Variants in COPS5 observed in about 807,000 individuals in gnomAD.
COPS5 encodes COP9 signalosome complex subunit 5.
Under a neutral mutation model 44.4 loss-of-function variants are expected in COPS5, and 8 were observed. The ratio of observed to expected loss-of-function variants is 0.18; its 90% CI spans 0.11 to 0.32. The LOEUF (loss-of-function observed/expected upper bound fraction) is 0.32. COPS5 is among the 10% of genes least tolerant of loss of function. The pLI is 1.00. For missense variants in COPS5, 159 were observed against 406.4 expected, an observed-to-expected ratio of 0.39 and a Z score of 5.23; for synonymous variants, 122 against 142.8, an observed-to-expected ratio of 0.85 and a Z score of 1.04.
intron 5 of COPS5, among the ~76,000 whole-genome samples, chr8:67,052,761 A>G (rs1437424668): frequency 2.0e-5 from 3 of 149,656 alleles, no homozygotes; most frequent in African/African-American, 7.4e-5. Flanking sequence ...CAGAGGTTGA[A>G]GTGAGCCGAG....
intron 5 of COPS5, among the ~76,000 whole-genome samples, chr8:67,053,397 A>G (rs574978274): frequency 6.6e-6 from 1 of 151,860 alleles, no homozygotes; most frequent in South Asian, 2.1e-4. Flanking sequence ...AGGAAATAAA[A>G]CATAATAAAT....
At chr8:67,061,804 A>T in intron 1 of COPS5, 50 bp downstream of exon 1, 1 of 1,597,252 alleles carries the variant, frequency 6.3e-7, no homozygotes, top group Non-Finnish European at 8.6e-7. Context: ...TGGGTCTCTT[A>T]AACTCCGCCA....
chr8:67,059,466 G>A (rs1359446058), intron 1 of COPS5, 21 bp from the exon 2 acceptor site: 1 of 1,532,396 alleles, frequency 6.5e-7, no homozygotes, highest in East Asian at 2.2e-5. Flanking sequence ...AAATCACAAT[G>A]TAATTAAATT....
chr8:67,057,981 A>G (rs1804536439), intron 3 of COPS5, 102 bp downstream of exon 3: 1 of 1,256,002 alleles, frequency 8.0e-7, no homozygotes, highest in Non-Finnish European at 1.1e-6. Flanking sequence ...GCAGACTGAT[A>G]CCAGAGCAAT....
intron 2 of COPS5, 108 bp from the exon 3 acceptor site, chr8:67,058,319 A>G: frequency 9.1e-7 from 1 of 1,098,868 alleles, no homozygotes; most frequent in Non-Finnish European, 1.3e-6. Flanking sequence ...CTCCTCAATT[A>G]CCCACTTTTC....
intron 3 of COPS5, 55 bp from the exon 4 acceptor site, chr8:67,057,500 T>A (rs1804531062): frequency 2.5e-6 from 3 of 1,193,998 alleles, no homozygotes; most frequent in South Asian, 2.6e-5. Flanking sequence ...GCCTTTTATT[T>A]AAACATTATA....
At chr8:67,056,430 A>G in intron 5 of COPS5, 89 bp downstream of exon 5, 1 of 437,584 alleles carries the variant, frequency 2.3e-6, no homozygotes, top group African/African-American at 2.2e-5. Flanking sequence ...CCTGTCCTCA[A>G]GCAATCCTCT....
rs796681366 is a variant in COPS5 at position 67,058,960 on chromosome 8, C to T, written c.378+251G>A. On this transcript the variant is annotated intron_variant, in intron 2 of 7. Coordinates refer to ENST00000357849, the MANE Select transcript of COPS5 (RefSeq NM_006837.3). ...TGGAGGTTGCAGTGAGCTGAGATCACGCCACTGCACTCCAGCCTGGGCAAC... is the reference window on the plus strand; with the variant it reads ...TGGAGGTTGCAGTGAGCTGAGATCATGCCACTGCACTCCAGCCTGGGCAAC... Among the ~76,000 whole-genome samples the T allele has an allele frequency of 3.3e-5, 5 of 151,142 alleles. No individual in the cohort carries two copies. The East Asian group carries it at 7.8e-4, about 23-fold the overall frequency.
intron 6 of COPS5, among the ~76,000 whole-genome samples, chr8:67,048,722 A>C (rs1165982793): frequency 1.3e-5 from 2 of 152,010 alleles, no homozygotes; most frequent in South Asian, 2.1e-4. Flanking sequence ...TCTCAAAAAA[A>C]AAAAAAAAAA....
At chr8:67,045,564 G>A in intron 7 of COPS5, 1 of 451,044 alleles carries the variant, frequency 2.2e-6, no homozygotes. Context: ...AAAGGTGACT[G>A]GGAGTGTTCC....
At chr8:67,044,280 C>G (rs768340151) in intron 7 of COPS5, 7 of 152,048 alleles carry the variant, frequency 4.6e-5, no homozygotes, top group Non-Finnish European at 7.4e-5. Context: ...CTCTTGAGCT[C>G]AAGCAATATG....
intron 5 of COPS5, among the ~76,000 whole-genome samples, chr8:67,054,317 A>C (rs2129537905): frequency 6.6e-6 from 1 of 152,328 alleles, no homozygotes; most frequent in South Asian, 2.1e-4. Flanking sequence ...CCTTTGATAC[A>C]ACTCAATATA....
intron 6 of COPS5, among the ~76,000 whole-genome samples, chr8:67,048,891 T>C (rs1816734366): frequency 6.6e-6 from 1 of 152,240 alleles, no homozygotes; most frequent in South Asian, 2.1e-4. Context: ...TACTTAATGA[T>C]GTATGTAGCA....
chr8:67,056,478 A>G, intron 5 of COPS5, 41 bp downstream of exon 5: 1 of 722,970 alleles, frequency 1.4e-6, no homozygotes, highest in Non-Finnish European at 2.4e-6. Flanking sequence ...TATAGGTGTG[A>G]GTCACCGTGC....
chr8:67,059,833 G>C (rs1804559694), intron 1 of COPS5: 2 of 191,442 alleles, frequency 1.0e-5, no homozygotes, highest in Non-Finnish European at 2.2e-5. Context: ...AAGAATGTGG[G>C]TTCTGACATT....
intron 6 of COPS5, among the ~76,000 whole-genome samples, chr8:67,050,762 AGAAAG>A (rs1804397309): frequency 7.6e-6 from 1 of 131,172 alleles, no homozygotes; most frequent in Admixed American, 7.6e-5. Flanking sequence ...CAATGCTAAG[AGAAAG>A]AAAAAAAAAA....
At chr8:67,057,161 TTAA>T (rs1177006108) in intron 4 of COPS5, among the ~76,000 whole-genome samples, 6 of 152,340 alleles carry the variant, frequency 3.9e-5, no homozygotes, top group East Asian at 1.9e-4. Context: ...GCTAATGTCT[TTAA>T]TAATAAGTCA....
intron 5 of COPS5, among the ~76,000 whole-genome samples, chr8:67,054,363 G>C (rs997602422): frequency 6.6e-6 from 1 of 152,128 alleles, no homozygotes; most frequent in Non-Finnish European, 1.5e-5. Flanking sequence ...GAAGATTAAA[G>C]TATCACAGCA....
intron 6 of COPS5, among the ~76,000 whole-genome samples, chr8:67,046,553 G>A (rs1369181296): frequency 1.3e-5 from 2 of 151,950 alleles, no homozygotes; most frequent in African/African-American, 4.8e-5. Flanking sequence ...GGGCGCGGTG[G>A]CTCATGCCTG....
Sources: allele counts gnomAD v4.1 joint callset (sites outside exome capture counted in the v4.1 genomes callset), GRCh38; gene constraint gnomAD v4.1.1; transcripts MANE v1.5; gene names NCBI Gene and HGNC (gene_info 2026-07-23, HGNC 2026-07-21).